ESCO1: variants seen among roughly 807,000 people sequenced by gnomAD.
ESCO1 encodes the protein establishment of sister chromatid cohesion N-acetyltransferase 1.
ESCO1 carries 33 observed loss-of-function variants against 83.5 expected under a neutral mutation model. The ratio of observed to expected loss-of-function variants is 0.40; its 90% CI spans 0.30 to 0.53. The LOEUF (loss-of-function observed/expected upper bound fraction) is 0.53. Ranked by LOEUF, ESCO1 falls within the 20% of genes least tolerant of loss-of-function variation. ESCO1 has a pLI of 0.63. For missense variants in ESCO1, 855 were observed against 968.0 expected, an observed-to-expected ratio of 0.88 and a Z score of 1.55; for synonymous variants, 332 against 324.3, an observed-to-expected ratio of 1.02 and a Z score of -0.25.
intron 2 of ESCO1, among the ~76,000 whole-genome samples, chr18:21,583,199 AT>A (rs930797022): frequency 1.1e-4 from 16 of 152,138 alleles, no homozygotes; most frequent in Admixed American, 3.3e-4. Context: ...AAACAAAAAA[AT>A]CAACAGAAAC....
chr18:21,575,780 G>C lies in ESCO1; in HGVS notation c.-693-3C>G. On this transcript the variant is annotated splice_region_variant and splice_polypyrimidine_tract_variant and intron_variant, in intron 2 of 11. Coordinates refer to ENST00000269214, the MANE Select transcript of ESCO1 (RefSeq NM_052911.3). The stretch of plus-strand genomic sequence containing the variant: ...GCTCTTAACACATCACACAGCACCT[G>C]AAAGAAAAAGGGTTTTTTTTAATGT... The C allele has an allele frequency of 2.5e-6, 1 of 397,806 alleles. No individual in the cohort carries two copies. The highest frequency in any genetic ancestry group is 4.4e-6 in the Non-Finnish European group (1 of 225,748). 24.6% of individuals were successfully genotyped at this position (397,806 alleles called of 1,614,324 possible).
chr18:21,551,060 C>T (rs1433303147), intron 8 of ESCO1, among the ~76,000 whole-genome samples: 2 of 147,378 alleles, frequency 1.4e-5, no homozygotes, highest in African/African-American at 5.1e-5. Context: ...TGCAGTGAGC[C>T]GAGATCACGC....
Position 21,573,417 on chromosome 18 carries a change from G to T in ESCO1, c.1427C>A (p.Thr476Lys). 6.2e-7 allele frequency: 1 copy of T among 1,611,948 alleles called. No homozygotes were observed. Among genetic ancestry groups the T allele is most frequent in the Non-Finnish European group, 8.5e-7 (1 of 1,179,564 alleles). Residue 476 changes from threonine (T) to lysine (K), a missense_variant, in exon 4 of 12, where the codon ACA becomes AAA. Coordinates refer to ENST00000269214, the MANE Select transcript of ESCO1 (RefSeq NM_052911.3). ...NDITVEINKT[T>K]ERAPENCHLA... ...ATGACAATTTTCAGGAGCCCTTTCT[G>T]TGGTTTTATTAATTTCTACTGTAAT...
At chr18:21,550,524 G>C (rs546216214) in intron 8 of ESCO1, among the ~76,000 whole-genome samples, 4 of 152,190 alleles carry the variant, frequency 2.6e-5, no homozygotes, top group South Asian at 4.1e-4. Context: ...CTTTTCAATA[G>C]GTAGCAACAA....
At chr18:21,558,386 A>T (rs2038139415) in intron 8 of ESCO1, among the ~76,000 whole-genome samples, 1 of 152,016 alleles carries the variant, frequency 6.6e-6, no homozygotes, top group Non-Finnish European at 1.5e-5. Context: ...CCTAGAAAAA[A>T]TTTTTACCCA....
chr18:21,538,819 C>T (rs1306172796), intron 9 of ESCO1, among the ~76,000 whole-genome samples: 1 of 151,972 alleles, frequency 6.6e-6, no homozygotes, highest in Non-Finnish European at 1.5e-5. Context: ...CCATTGCTAA[C>T]ATTATGAGGT....
chr18:21,531,893 C>CAAAAA (rs10646843), intron 11 of ESCO1, among the ~76,000 whole-genome samples: 49 of 81,456 alleles, frequency 6.0e-4, no homozygotes, highest in East Asian at 1.2e-3. Flanking sequence ...GACTCCATCT[C>CAAAAA]AAAAAAAAAA....
chr18:21,594,925 CTGTGTGTGTGTGTGTGTGTG>C (rs35336026), intron 1 of ESCO1, among the ~76,000 whole-genome samples: 1 of 143,694 alleles, frequency 7.0e-6, no homozygotes, highest in Non-Finnish European at 1.5e-5. Flanking sequence ...TCTACAACTA[CTGTGTGTGTGTGTGTGTGTG>C]TGTGTGTGTG....
chr18:21,558,938 A>C (rs777203781), intron 8 of ESCO1, among the ~76,000 whole-genome samples: 1 of 152,176 alleles, frequency 6.6e-6, no homozygotes, highest in Non-Finnish European at 1.5e-5. Flanking sequence ...AATAAAATTA[A>C]GATATTTTGT....
rs547120987 is a variant in ESCO1, at chr18:21,573,302, A to T, written c.1530+12T>A. 1 of 1,551,822 alleles carries T rather than the reference A, an allele frequency of 6.4e-7. No individual in the cohort carries two copies. The highest frequency in any genetic ancestry group is 1.4e-5 in the African/African-American group (1 of 72,290). ...TTCGGCACCTCTATTGTGCATAATAAAAACAGATTACCTTATTTGATGCTG... is the reference window on the plus strand; with the variant it reads ...TTCGGCACCTCTATTGTGCATAATATAAACAGATTACCTTATTTGATGCTG... On this transcript the variant is annotated intron_variant, in intron 4 of 11. Transcript: ENST00000269214.
At chr18:21,568,200 G>T in intron 4 of ESCO1, 106 bp from the exon 5 acceptor site, 1 of 784,240 alleles carries the variant, frequency 1.3e-6, no homozygotes, top group Non-Finnish European at 2.1e-6. Context: ...TTTTTATTTG[G>T]AGCAATTAAT....
intron 1 of ESCO1, among the ~76,000 whole-genome samples, chr18:21,598,073 C>A (rs914632964): frequency 1.3e-5 from 2 of 152,110 alleles, no homozygotes; most frequent in African/African-American, 2.4e-5. Context: ...TCTACAGTAA[C>A]AATTTTACTG....
At position 21,555,789 on chromosome 18, in the gene ESCO1, G is replaced by A. The variant is rs146224226; in HGVS notation, c.1953+5070C>T. ...TGCACTACACCCTAGGTGACAGAGC[G>A]AGACACTGTCCCAAAAGGAAAAAGA... On this transcript the variant is annotated intron_variant, in intron 8 of 11. Transcript: ENST00000269214. Among the ~76,000 whole-genome samples, 13 of 151,872 alleles carry A rather than the reference G, an allele frequency of 8.6e-5. No individual in the cohort carries two copies. The East Asian group carries it at 2.1e-3, about 25-fold the overall frequency.
Position 21,574,100 on chromosome 18 carries a change from T to A in ESCO1, c.744A>T (p.Arg248Ser). 1.2e-6 allele frequency: 2 copies of A among 1,613,288 alleles called. No homozygotes were observed. The highest frequency in any genetic ancestry group is 1.7e-6 in the Non-Finnish European group (2 of 1,180,008). The change falls in exon 4 of 12, where the codon AGA (arginine) becomes AGT (serine). Residue 248 changes from arginine (R) to serine (S), a missense_variant. Transcript: ENST00000269214. ...KPVPVTSEVK[R>S]SKMATSVVPK... ...GGACCACTGAAGTAGCCATTTTTGA[T>A]CTTTTCACCTCAGAAGTTACAGGCA... is the stretch of plus-strand genomic sequence containing the variant.
chr18:21,589,995 T>A (rs1294951087), intron 1 of ESCO1, among the ~76,000 whole-genome samples: 1 of 148,092 alleles, frequency 6.8e-6, no homozygotes, highest in Non-Finnish European at 1.5e-5. Flanking sequence ...ACCGGGCTAA[T>A]TTTTTGTATT....
intron 4 of ESCO1, among the ~76,000 whole-genome samples, chr18:21,568,816 T>C (rs894778982): frequency 4.7e-5 from 7 of 150,420 alleles, no homozygotes; most frequent in African/African-American, 1.7e-4. Context: ...GGCAGGAGAA[T>C]CACTTAAACC....
chr18:21,571,304 C>T (rs1234866746), intron 4 of ESCO1, among the ~76,000 whole-genome samples: 1 of 152,064 alleles, frequency 6.6e-6, no homozygotes. Context: ...TCTTCCACCT[C>T]AGCCTCCTGA....
At chr18:21,543,539 AAAATACACTGAGTGGT>A (rs2037933667) in intron 8 of ESCO1, among the ~76,000 whole-genome samples, 1 of 152,246 alleles carries the variant, frequency 6.6e-6, no homozygotes, top group Admixed American at 6.5e-5. Flanking sequence ...AATTGGAAAC[AAAATACACTGAGTGGT>A]AAATACACTG....
At chr18:21,563,055 G>C (rs2038210174) in intron 7 of ESCO1, among the ~76,000 whole-genome samples, 1 of 151,840 alleles carries the variant, frequency 6.6e-6, no homozygotes, top group Non-Finnish European at 1.5e-5. Context: ...ATTTTTAGTA[G>C]AGATGGGCTT....
Sources: gnomAD v4.1 joint callset for allele counts (sites outside exome capture counted in the v4.1 genomes callset) on GRCh38, gnomAD v4.1.1 for gene constraint, MANE v1.5 for transcripts, NCBI Gene and HGNC (gene_info 2026-07-23, HGNC 2026-07-21) for gene names.